PARP12: variants seen among roughly 807,000 people sequenced by gnomAD.
PARP12 encodes the protein poly(ADP-ribose) polymerase family member 12.
Under a neutral mutation model 72.4 loss-of-function variants are expected in PARP12, and 59 were observed. The observed-to-expected ratio is 0.81, with a 90% CI of 0.66 to 1.01. The LOEUF is 1.01. PARP12 is among the 50% of genes least tolerant of loss of function. The pLI, the probability that PARP12 is intolerant of heterozygous loss-of-function variation, is 0.00. For synonymous variants in PARP12, 403 were observed against 371.4 expected (o/e 1.09, Z -0.98); for missense variants, 851 against 914.0 (o/e 0.93, Z 0.89).
At chr7:140,062,375 C>A in intron 1 of PARP12, 147 bp downstream of exon 1, 1 of 830,038 alleles carries the variant, frequency 1.2e-6, no homozygotes, top group South Asian at 1.8e-5. Flanking sequence ...GCTCATTAAA[C>A]GCTCGCTTTA....
chr7:140,062,592 C>T lies in PARP12; in HGVS notation c.256G>A (p.Val86Met), dbSNP rs1359133293. 7.2e-6 allele frequency: 11 copies of T among 1,530,918 alleles called. No individual in the cohort carries two copies. Among genetic ancestry groups the T allele is most frequent in the Non-Finnish European group, 7.9e-6 (9 of 1,143,542 alleles). The allele number at this position is 1,530,918 out of a possible 1,614,324, so 94.8% of individuals were successfully genotyped here. Residue 86 changes from valine to methionine, a missense_variant, in exon 1 of 12, where the codon GTG (valine) becomes ATG (methionine). By Grantham distance (21) the Val-to-Met change is conservative. This residue lies in a region of PARP12 where 492 missense variants were observed against 489.3 expected (regional missense o/e 1.01). Transcript: ENST00000263549. Reference protein sequence around the residue: ...RAHQGSKPGCVGLCAQLHLCR... With the variant: ...RAHQGSKPGCMGLCAQLHLCR... ...AGGTGGAGCTGCGCGCAGAGCCCCACGCAGCCCGGCTTGGAGCCCTGGTGC... is the reference window on the plus strand; with the variant it reads ...AGGTGGAGCTGCGCGCAGAGCCCCATGCAGCCCGGCTTGGAGCCCTGGTGC...
chr7:140,047,253 C>T (rs1395963259), intron 4 of PARP12, among the ~76,000 whole-genome samples: 1 of 152,166 alleles, frequency 6.6e-6, no homozygotes, highest in African/African-American at 2.4e-5. Flanking sequence ...AACTTAATCG[C>T]CAATGTGATA....
chr7:140,058,254 G>A (rs1197524204), intron 1 of PARP12, among the ~76,000 whole-genome samples: 2 of 152,154 alleles, frequency 1.3e-5, no homozygotes, highest in East Asian at 1.9e-4. Flanking sequence ...GCTCATGCCC[G>A]TAATCCCAGC....
At chr7:140,038,870 GA>G (rs912957855) in intron 6 of PARP12, among the ~76,000 whole-genome samples, 1 of 151,872 alleles carries the variant, frequency 6.6e-6, no homozygotes, top group Non-Finnish European at 1.5e-5. Context: ...TGGAGAAGGG[GA>G]AAAAAAAGTA....
At chr7:140,028,389 A>G (rs1815816663) in intron 9 of PARP12, among the ~76,000 whole-genome samples, 1 of 152,136 alleles carries the variant, frequency 6.6e-6, no homozygotes, top group Admixed American at 6.5e-5. Context: ...TCCACAAGAC[A>G]ACCCCTCCCC....
rs113619280 is a variant in PARP12 at position 140,056,719 on chromosome 7, A to G, written c.760+137T>C. On this transcript the variant is annotated intron_variant, in intron 3 of 11. Transcript: ENST00000263549. ...CCTGCCTTGTTAGGAAAGCATCATC[A>G]ACTCCATTTTACTAAAAGCAGCACC... 1.4e-4 allele frequency: 122 copies of G among 872,574 alleles called. 1 individual carries two copies. Among genetic ancestry groups the G allele is most frequent in the African/African-American group, 1.4e-3 (82 of 58,820 alleles). 54.1% of individuals were successfully genotyped at this position (872,574 alleles called of 1,614,324 possible).
At chr7:140,062,195 C>G (rs1406037643) in intron 1 of PARP12, among the ~76,000 whole-genome samples, 1 of 152,080 alleles carries the variant, frequency 6.6e-6, no homozygotes, top group Non-Finnish European at 1.5e-5. Flanking sequence ...CCCGCGGCGT[C>G]GTGGAGTTCC....
At position 140,024,369 on chromosome 7, in the gene PARP12, A is replaced by G. The variant is rs13760; in HGVS notation, c.*191T>C. 299,001 of 680,604 alleles carry G rather than the reference A, an allele frequency of 0.44. 71,924 individuals carry two copies. Among genetic ancestry groups the G allele is most frequent in the African/African-American group, 0.81 (45,018 of 55,800 alleles). 42.2% of individuals were successfully genotyped at this position (680,604 alleles called of 1,614,324 possible). A position where few individuals can be genotyped will look rare whatever the true frequency, so the allele number is the denominator to read the frequency against. On this transcript the variant is annotated 3_prime_UTR_variant, in exon 12 of 12. Transcript: ENST00000263549. ...ACTCAACTACAATCACTTCTGGTTA[A>G]TCCACTAGTGAACCCAAAAGTGACT...
intron 8 of PARP12, among the ~76,000 whole-genome samples, chr7:140,029,399 A>G (rs905614476): frequency 1.3e-5 from 2 of 152,224 alleles, no homozygotes; most frequent in Non-Finnish European, 2.9e-5. Flanking sequence ...CATTCCTATT[A>G]AGTTTCAGAA....
intron 5 of PARP12, among the ~76,000 whole-genome samples, chr7:140,045,444 T>C (rs1351133835): frequency 6.6e-6 from 1 of 152,206 alleles, no homozygotes; most frequent in Admixed American, 6.5e-5. Flanking sequence ...TAACATATAG[T>C]AAAGCTGAGG....
intron 5 of PARP12, among the ~76,000 whole-genome samples, 177 bp downstream of exon 5, chr7:140,046,707 A>T (rs893136829): frequency 5.5e-5 from 8 of 146,414 alleles, no homozygotes; most frequent in African/African-American, 1.5e-4. Flanking sequence ...CTACCTCCAG[A>T]CTAGGTGGCT....
chr7:140,048,087 G>C (rs780439946), intron 4 of PARP12, among the ~76,000 whole-genome samples: 10 of 152,244 alleles, frequency 6.6e-5, no homozygotes, highest in South Asian at 2.1e-4. Context: ...CAGCAAAGAT[G>C]GAGCCAGATT....
chr7:140,060,304 G>A (rs928884585), intron 1 of PARP12, among the ~76,000 whole-genome samples: 2 of 152,258 alleles, frequency 1.3e-5, no homozygotes, highest in South Asian at 4.2e-4. Flanking sequence ...CCTGAGTAGA[G>A]GACTAAGAGT....
At position 140,038,842 on chromosome 7, in the gene PARP12, C is replaced by A. The variant is rs985025592; in HGVS notation, c.1183-986G>T. ...AAGACAAGAGTCACCCATGCCTCTG[C>A]GCAACTGAGTCCAGCAATGGAGAAG... On this transcript the variant is annotated intron_variant, in intron 6 of 11. Coordinates refer to ENST00000263549, the MANE Select transcript of PARP12 (RefSeq NM_022750.4). 5.9e-5 allele frequency among the ~76,000 whole-genome samples: 9 copies of A among 152,122 alleles called. No individual in the cohort carries two copies. In the South Asian group the frequency reaches 1.9e-3, roughly 32 times the overall value.
intron 6 of PARP12, among the ~76,000 whole-genome samples, chr7:140,039,537 C>A (rs1816369373): frequency 6.6e-6 from 1 of 152,128 alleles, no homozygotes; most frequent in Non-Finnish European, 1.5e-5. Flanking sequence ...CTGGAGGCAC[C>A]AAGTGAGATG....
Position 140,038,130 on chromosome 7 carries a change from C to CA in PARP12, c.1183-275dup, listed in dbSNP as rs1413112690. 3.0e-6 allele frequency: 3 copies of CA among 985,420 alleles called. No homozygotes were observed. In the Admixed American group the frequency reaches 1.8e-4, roughly 61 times the overall value. The allele number at this position is 985,420 out of a possible 1,614,324, so 61.0% of individuals were successfully genotyped here. A position where few individuals can be genotyped will look rare whatever the true frequency, so the allele number is the denominator to read the frequency against. On this transcript the variant is annotated intron_variant, in intron 6 of 11. Transcript: ENST00000263549. ...TGGGAGCAACGGAGAGGAGGGCACT[C>CA]AAGTCACCTAGGACAGAGGACACGG...
chr7:140,041,521 C>A, intron 6 of PARP12, 123 bp downstream of exon 6: 1 of 963,746 alleles, frequency 1.0e-6, no homozygotes, highest in South Asian at 1.9e-5. Context: ...GTGAGCCACA[C>A]TGGCACCTGG....
In PARP12 at chr7:140,046,947, T is replaced by G. The variant is rs752849455; in HGVS notation, c.923A>C (p.Lys308Thr). ...PYRWQFLDRG[K>T]WEDLDNMELI... ...TTCCATGTTGTCCAAATCCTCCCATTTGCCTCTATCCAAGAATTGCCATCG... is the reference window on the plus strand; with the variant it reads ...TTCCATGTTGTCCAAATCCTCCCATGTGCCTCTATCCAAGAATTGCCATCG... Residue 308 changes from lysine to threonine, a missense_variant, in exon 5 of 12, where the codon AAA becomes ACA. By Grantham distance (78) the Lys-to-Thr change is moderately conservative. Transcript: ENST00000263549. 1 of 1,614,120 alleles carries G rather than the reference T, an allele frequency of 6.2e-7. No individual in the cohort carries two copies.
At chr7:140,027,181 T>G in intron 10 of PARP12, 95 bp downstream of exon 10, 1 of 1,516,948 alleles carries the variant, frequency 6.6e-7, no homozygotes, top group South Asian at 1.2e-5. Flanking sequence ...TAACTGCCGC[T>G]CTGCTTTTCC....
Sources: gnomAD v4.1 joint callset for allele counts (sites outside exome capture counted in the v4.1 genomes callset) on GRCh38, gnomAD v4.1.1 for gene constraint, gnomAD v4.1.1 regional missense constraint, MANE v1.5 for transcripts, NCBI Gene and HGNC (gene_info 2026-07-23, HGNC 2026-07-21) for gene names.